PRKCA: variants seen among roughly 807,000 people sequenced by gnomAD.
PRKCA encodes the protein protein kinase C alpha.
In PRKCA, 27 loss-of-function variants were observed where a neutral mutation model predicts 87.0. The observed-to-expected ratio is 0.31, with a 90% confidence interval of 0.23 to 0.43. PRKCA has a LOEUF of 0.43. Among genes scored for constraint, PRKCA ranks in the 20% least tolerant of loss-of-function variants. PRKCA has a pLI of 1.00. For missense variants in PRKCA, 518 were observed against 852.3 expected (o/e 0.61, Z 4.88); for synonymous variants, 329 against 311.1 (o/e 1.06, Z -0.61).
intron 2 of PRKCA, among the ~76,000 whole-genome samples, chr17:66,468,643 G>A (rs947150340): frequency 6.6e-6 from 1 of 152,150 alleles, no homozygotes; most frequent in African/African-American, 2.4e-5. Context: ...TAAATGGAAG[G>A]TGTGGTCTGA....
chr17:66,715,591 G>A (rs1353283333), intron 8 of PRKCA, among the ~76,000 whole-genome samples: 1 of 152,108 alleles, frequency 6.6e-6, no homozygotes, highest in Non-Finnish European at 1.5e-5. Flanking sequence ...TTGGATCTTT[G>A]TTTTCTAGAA....
At chr17:66,706,025 CTCT>C (rs1973183053) in intron 8 of PRKCA, among the ~76,000 whole-genome samples, 1 of 152,168 alleles carries the variant, frequency 6.6e-6, no homozygotes. Context: ...GCAGCTTGAG[CTCT>C]AGATCTTGCA....
At chr17:66,788,596 G>A (rs767348143) in intron 15 of PRKCA, among the ~76,000 whole-genome samples, 2 of 152,040 alleles carry the variant, frequency 1.3e-5, no homozygotes, top group Non-Finnish European at 2.9e-5. Flanking sequence ...TTGGCCATGG[G>A]TTCAGATTGC....
chr17:66,438,067 G>A (rs1159095709), intron 2 of PRKCA, among the ~76,000 whole-genome samples: 5 of 152,184 alleles, frequency 3.3e-5, no homozygotes, highest in Non-Finnish European at 7.4e-5. Context: ...CAAAGAGGAT[G>A]GGGAACAATG....
At chr17:66,431,400 T>C (rs767617690) in intron 2 of PRKCA, among the ~76,000 whole-genome samples, 3 of 152,226 alleles carry the variant, frequency 2.0e-5, no homozygotes, top group Non-Finnish European at 4.4e-5. Flanking sequence ...GTCATTCTGA[T>C]CTTTTCATAC....
At chr17:66,438,371 C>T (rs937293630) in intron 2 of PRKCA, among the ~76,000 whole-genome samples, 2 of 152,092 alleles carry the variant, frequency 1.3e-5, no homozygotes, top group South Asian at 2.1e-4. Flanking sequence ...TGTCTGGACA[C>T]GTGCCCTTGT....
At chr17:66,396,883 A>C (rs536012019) in intron 2 of PRKCA, among the ~76,000 whole-genome samples, 1 of 150,584 alleles carries the variant, frequency 6.6e-6, no homozygotes, top group Non-Finnish European at 1.5e-5. Context: ...ACCTTTCTAC[A>C]TACATATTTA....
intron 2 of PRKCA, among the ~76,000 whole-genome samples, chr17:66,316,473 G>A (rs1223956979): frequency 6.6e-6 from 1 of 152,028 alleles, no homozygotes; most frequent in Non-Finnish European, 1.5e-5. Context: ...TTAGAATGTG[G>A]CCCAACACAA....
At chr17:66,516,699 A>G (rs1436080288) in intron 3 of PRKCA, among the ~76,000 whole-genome samples, 11 of 152,134 alleles carry the variant, frequency 7.2e-5, no homozygotes, top group African/African-American at 2.7e-4. Flanking sequence ...GGGTGGACTC[A>G]CCTTGGGAAC....
At chr17:66,423,907 A>G (rs981500108) in intron 2 of PRKCA, among the ~76,000 whole-genome samples, 14 of 152,134 alleles carry the variant, frequency 9.2e-5, no homozygotes, top group African/African-American at 3.1e-4. Context: ...TGCTAGCTGC[A>G]GTGTACTTTA....
chr17:66,554,622 TG>T (rs1968441104), intron 3 of PRKCA: 3 of 789,934 alleles, frequency 3.8e-6, no homozygotes, highest in East Asian at 1.3e-4. Context: ...TTTTTTTTGG[TG>T]GGGGGCACTA....
intron 2 of PRKCA, among the ~76,000 whole-genome samples, chr17:66,375,094 G>C (rs186964742): frequency 1.0e-3 from 158 of 152,140 alleles, no homozygotes; most frequent in Middle Eastern, 6.8e-3. Context: ...AGCCTTGAGG[G>C]GGGTAATAGC....
chr17:66,317,974 T>G (rs1019801574), intron 2 of PRKCA, among the ~76,000 whole-genome samples: 1 of 152,246 alleles, frequency 6.6e-6, no homozygotes, highest in Non-Finnish European at 1.5e-5. Context: ...GTTCTAAATA[T>G]GAAGATGTTT....
intron 2 of PRKCA, among the ~76,000 whole-genome samples, chr17:66,385,326 C>T (rs1453200226): frequency 1.3e-5 from 2 of 152,184 alleles, no homozygotes; most frequent in African/African-American, 2.4e-5. Context: ...AGAAGGAATT[C>T]GAAGACAGTT....
intron 3 of PRKCA, among the ~76,000 whole-genome samples, chr17:66,622,011 G>C (rs779306586): frequency 6.7e-6 from 1 of 149,380 alleles, no homozygotes; most frequent in Non-Finnish European, 1.5e-5. Context: ...GGATCAGCCC[G>C]GGCAACATAG....
chr17:66,447,099 G>A (rs530139323), intron 2 of PRKCA, among the ~76,000 whole-genome samples: 2 of 152,312 alleles, frequency 1.3e-5, no homozygotes, highest in East Asian at 3.9e-4. Context: ...AGACTGCGAA[G>A]TCACTCCGAG....
intron 2 of PRKCA, among the ~76,000 whole-genome samples, chr17:66,420,612 G>A (rs1432144220): frequency 5.3e-5 from 8 of 152,108 alleles, no homozygotes; most frequent in South Asian, 2.1e-4. Flanking sequence ...TTCTGTGGAC[G>A]GTTAAGGTAG....
chr17:66,707,800 C>T (rs1366257721), intron 8 of PRKCA, among the ~76,000 whole-genome samples: 1 of 152,158 alleles, frequency 6.6e-6, no homozygotes, highest in African/African-American at 2.4e-5. Context: ...TACACCCTGT[C>T]TCCTAAACAG....
chr17:66,323,000 T>C (rs984692460), intron 2 of PRKCA, among the ~76,000 whole-genome samples: 3 of 152,222 alleles, frequency 2.0e-5, no homozygotes, highest in African/African-American at 7.2e-5. Flanking sequence ...TTTAGATTCA[T>C]GGCTTCCTCA....
Sources: gnomAD v4.1 joint callset for allele counts (sites outside exome capture counted in the v4.1 genomes callset) on GRCh38, gnomAD v4.1.1 for gene constraint, MANE v1.5 for transcripts, NCBI Gene and HGNC (gene_info 2026-07-23, HGNC 2026-07-21) for gene names.